Variants in ANKRD28 observed in about 807,000 individuals in gnomAD.
ANKRD28 encodes the protein serine/threonine-protein phosphatase 6 regulatory ankyrin repeat subunit A.
Under a neutral mutation model 126.5 loss-of-function variants are expected in ANKRD28, and 44 were observed. The ratio of observed to expected loss-of-function variants is 0.35; its 90% CI spans 0.27 to 0.45. The LOEUF (loss-of-function observed/expected upper bound fraction) is 0.45. Ranked by LOEUF, ANKRD28 falls within the 20% of genes least tolerant of loss-of-function variation. The pLI, the probability that ANKRD28 is intolerant of heterozygous loss-of-function variation, is 1.00. For missense variants in ANKRD28, 1,110 were observed against 1,316.6 expected, an observed-to-expected ratio of 0.84 and a Z score of 2.43; for synonymous variants, 442 against 468.5, an observed-to-expected ratio of 0.94 and a Z score of 0.73.
chr3:15,795,548 A>T (rs1014189006), intron 1 of ANKRD28, among the ~76,000 whole-genome samples: 1 of 152,176 alleles, frequency 6.6e-6, no homozygotes, highest in Non-Finnish European at 1.5e-5. Context: ...TAATAAACAA[A>T]ATCAGATTTT....
intron 23 of ANKRD28, 34 bp downstream of exon 23, chr3:15,679,267 G>A (rs2067274572): frequency 8.1e-6 from 13 of 1,597,296 alleles, no homozygotes; most frequent in Non-Finnish European, 1.1e-5. Flanking sequence ...ACTGTGCCTG[G>A]CTAAAACTAT....
intron 1 of ANKRD28, among the ~76,000 whole-genome samples, chr3:15,832,468 G>A (rs1288841778): frequency 1.2e-4 from 19 of 152,102 alleles, no homozygotes; most frequent in Admixed American, 1.2e-3. Flanking sequence ...AAAACATTAT[G>A]CTAAATTTTA....
At chr3:15,740,882 A>C (rs573697858) in intron 4 of ANKRD28, among the ~76,000 whole-genome samples, 1 of 152,346 alleles carries the variant, frequency 6.6e-6, no homozygotes, top group South Asian at 2.1e-4. Flanking sequence ...CCCTGAATCC[A>C]TTATTTCCTA....
chr3:15,787,215 T>C (rs1337840204), intron 2 of ANKRD28, among the ~76,000 whole-genome samples: 1 of 152,118 alleles, frequency 6.6e-6, no homozygotes, highest in Non-Finnish European at 1.5e-5. Context: ...TAAAAATAAA[T>C]ACCTGAGTGG....
chr3:15,828,037 A>G (rs2061106209), intron 1 of ANKRD28, among the ~76,000 whole-genome samples: 1 of 152,186 alleles, frequency 6.6e-6, no homozygotes, highest in Non-Finnish European at 1.5e-5. Flanking sequence ...CATACACGAG[A>G]ATAGCTATTA....
At chr3:15,790,670 C>A (rs1252801090) in intron 2 of ANKRD28, among the ~76,000 whole-genome samples, 1 of 151,962 alleles carries the variant, frequency 6.6e-6, no homozygotes, top group African/African-American at 2.4e-5. Context: ...ATATGACAGA[C>A]CCACAGCTAG....
At position 15,853,290 on chromosome 3, in the gene ANKRD28, A is replaced by G. The variant is rs55835220; in HGVS notation, c.27+6087T>C. Among the ~76,000 whole-genome samples, 6,229 of 152,262 alleles carry G rather than the reference A, an allele frequency of 0.041. 413 individuals are homozygous for G. The highest frequency in any genetic ancestry group is 0.14 in the African/African-American group (5,772 of 41,514). On this transcript the variant is annotated intron_variant, in intron 1 of 27. Coordinates refer to the ANKRD28 transcript ENST00000399451. This position sits in a 1 kb window ranked among gnomAD's most constrained non-coding sequence, Gnocchi z 4.2. ...ATCCTGAACTATTTCCTCCAGGTAC[A>G]GGGTATTTTCCATGGGCATCTCACC...
chr3:15,813,224 G>A (rs1488373426), intron 1 of ANKRD28, among the ~76,000 whole-genome samples: 1 of 151,808 alleles, frequency 6.6e-6, no homozygotes, highest in Non-Finnish European at 1.5e-5. Context: ...AAATTAACCG[G>A]GCATGGTGGC....
chr3:15,675,749 C>T, intron 27 of ANKRD28, 149 bp downstream of exon 27: 1 of 570,890 alleles, frequency 1.8e-6, no homozygotes, highest in Non-Finnish European at 2.9e-6. Context: ...ATTTCTTTTG[C>T]CCTTATTCCT....
At chr3:15,766,182 A>C in intron 3 of ANKRD28, 52 bp downstream of exon 3, 1 of 1,404,810 alleles carries the variant, frequency 7.1e-7, no homozygotes, top group South Asian at 1.3e-5. Context: ...AGAAACATTA[A>C]GAATAACAAA....
At position 15,677,484 on chromosome 3, in the gene ANKRD28, C is replaced by T; in HGVS notation, c.2786G>A (p.Ser929Asn). 2 of 1,609,898 alleles carry T rather than the reference C, an allele frequency of 1.2e-6. No homozygotes were observed. The highest frequency in any genetic ancestry group is 1.7e-6 in the Non-Finnish European group (2 of 1,176,526). ...SKNTALHLAC[S>N]KGHETSALLI... ...ATTCTTAAGATGTATACATACCTTG[C>T]TACAAGCCAAATGGAGGGCAGTATT... Residue 929 changes from serine to asparagine, a missense_variant, in exon 25 of 28, where the codon AGC becomes AAC. Physicochemically the swap from Ser to Asn is conservative, Grantham distance 46. Transcript: ENST00000683139.
chr3:15,763,223 A>C (rs79850073), intron 3 of ANKRD28, among the ~76,000 whole-genome samples: 2 of 152,256 alleles, frequency 1.3e-5, no homozygotes, highest in African/African-American at 4.8e-5. Context: ...AGTTGCACTC[A>C]AAGACAAATC....
chr3:15,826,965 T>C (rs1268755154), intron 1 of ANKRD28, among the ~76,000 whole-genome samples: 1 of 152,180 alleles, frequency 6.6e-6, no homozygotes, highest in African/African-American at 2.4e-5. Flanking sequence ...AAATCTCCTA[T>C]ATTAGACATT....
In ANKRD28 at chr3:15,721,006, C is replaced by G; in HGVS notation, c.905G>C (p.Gly302Ala). ...GAIVNQKNEK[G>A]FTPLHFAAAS... ...AGCAGCAAAGTGCAAAGGAGTAAAT[C>G]CTTTTTCATTCTTTTGATTCACAAT... is the stretch of plus-strand genomic sequence containing the variant. Residue 302 changes from glycine to alanine, a missense_variant, in exon 8 of 28, where the codon GGA (glycine) becomes GCA (alanine). Gly to Ala is a moderately conservative substitution (Grantham distance 60). Coordinates refer to ENST00000683139, the MANE Select transcript of ANKRD28 (RefSeq NM_001349278.2). The G allele has an allele frequency of 3.1e-6, 5 of 1,613,846 alleles. No individual in the cohort carries two copies. The highest frequency in any genetic ancestry group is 4.2e-6 in the Non-Finnish European group (5 of 1,179,820).
At chr3:15,725,515 CATCTTGTTTCTTAAAAATT>C (rs1471434142) in intron 6 of ANKRD28, among the ~76,000 whole-genome samples, 12 of 152,270 alleles carry the variant, frequency 7.9e-5, no homozygotes, top group African/African-American at 2.6e-4. Context: ...GCAAATATTG[CATCTTGTTTCTTAAAAATT>C]GAAAGTTTGT....
chr3:15,718,650 ATCTCT>A (rs1161164046), intron 8 of ANKRD28, among the ~76,000 whole-genome samples: 9 of 151,854 alleles, frequency 5.9e-5, no homozygotes, highest in African/African-American at 2.2e-4. Context: ...AGGAAGCCCA[ATCTCT>A]ACCTTTTAAA....
At chr3:15,849,375 A>G (rs2061590831) in intron 1 of ANKRD28, among the ~76,000 whole-genome samples, 1 of 152,250 alleles carries the variant, frequency 6.6e-6, no homozygotes, top group African/African-American at 2.4e-5. Context: ...GAAGACTTGC[A>G]CTTCCCAATT....
At chr3:15,859,807 T>A (rs2061868698), upstream of ANKRD28, 1 of 151,150 alleles carries the variant, frequency 6.6e-6, no homozygotes, top group Admixed American at 6.6e-5. Flanking sequence ...GCATCCAAAC[T>A]CCACAATATT....
chr3:15,708,761 G>A (rs1472697), intron 13 of ANKRD28, among the ~76,000 whole-genome samples: 70,726 of 151,938 alleles, frequency 0.47, 19,325 homozygotes, highest in Non-Finnish European at 0.6. Flanking sequence ...AGTAATTATG[G>A]TGTCAAATAG....
Sources: allele counts gnomAD v4.1 joint callset (sites outside exome capture counted in the v4.1 genomes callset), GRCh38; gene constraint gnomAD v4.1.1; non-coding constraint Gnocchi (gnomAD v3.1); transcripts MANE v1.5; gene names NCBI Gene and HGNC (gene_info 2026-07-23, HGNC 2026-07-21).